Variants in CNNM2 observed in about 807,000 individuals in gnomAD.
CNNM2 encodes cyclin and CBS domain divalent metal cation transport mediator 2, also known as metal transporter CNNM2.
Under a neutral mutation model 66.9 loss-of-function variants are expected in CNNM2, and 12 were observed. That is an observed-to-expected ratio of 0.18 (90% CI 0.11 to 0.29). The LOEUF (loss-of-function observed/expected upper bound fraction) is 0.29. Ranked by LOEUF, CNNM2 falls within the 10% of genes least tolerant of loss-of-function variation. CNNM2 has a pLI of 1.00. For synonymous variants in CNNM2, 557 were observed against 501.8 expected (o/e 1.11, Z -1.47); for missense variants, 705 against 1,167.7 (o/e 0.60, Z 5.77).
At chr10:102,969,361 C>T (rs1189655728) in intron 1 of CNNM2, among the ~76,000 whole-genome samples, 2 of 151,414 alleles carry the variant, frequency 1.3e-5, no homozygotes, top group Non-Finnish European at 2.9e-5. Context: ...TTACAGGTGC[C>T]TGCCACCACG....
chr10:103,009,719 A>ATGGAGAT (rs2064303147), intron 1 of CNNM2, among the ~76,000 whole-genome samples: 1 of 151,492 alleles, frequency 6.6e-6, no homozygotes, highest in Admixed American at 6.6e-5. Context: ...AGAATGGAGA[A>ATGGAGAT]CCAGAGGGTG....
chr10:102,966,742 T>C (rs1447052865), intron 1 of CNNM2, among the ~76,000 whole-genome samples: 2 of 152,186 alleles, frequency 1.3e-5, no homozygotes, highest in Non-Finnish European at 2.9e-5. Flanking sequence ...AATAGATTAA[T>C]AACATGGTCC....
chr10:103,019,166 G>A (rs368971147), intron 1 of CNNM2, among the ~76,000 whole-genome samples: 2 of 151,848 alleles, frequency 1.3e-5, no homozygotes, highest in East Asian at 1.9e-4. Flanking sequence ...CTACTCAGGA[G>A]GCTGAGTTGG....
rs534477520 is a variant in CNNM2 at position 103,086,026 on chromosome 10, C to G, written c.*8846C>G. 2.0e-5 allele frequency: 3 copies of G among 152,470 alleles called. No homozygotes were observed. The East Asian group carries it at 5.8e-4, about 29-fold the overall frequency. The allele number at this position is 152,470 out of a possible 1,614,324, so 9.4% of individuals were successfully genotyped here. A position where few individuals can be genotyped will look rare whatever the true frequency, so the allele number is the denominator to read the frequency against. ...TGTGTGACGTGCTGCGTTCTTGTTA[C>G]GGGAGGTGCGTGACGGGGCAGCGGG... On this transcript the variant is annotated 3_prime_UTR_variant, in exon 8 of 8. Transcript: ENST00000369878.
chr10:102,931,776 T>G (rs1846073052), intron 1 of CNNM2, among the ~76,000 whole-genome samples: 1 of 151,886 alleles, frequency 6.6e-6, no homozygotes, highest in African/African-American at 2.4e-5. Flanking sequence ...GGCTGCACCA[T>G]TTGACATTCC....
chr10:102,996,561 T>C (rs1415887952), intron 1 of CNNM2, among the ~76,000 whole-genome samples: 2 of 152,158 alleles, frequency 1.3e-5, no homozygotes, highest in Non-Finnish European at 2.9e-5. Flanking sequence ...AAAAATCAGT[T>C]GGGCATGGTG....
intron 4 of CNNM2, among the ~76,000 whole-genome samples, chr10:103,067,007 GTTC>G (rs1240933531): frequency 2.0e-5 from 3 of 152,058 alleles, no homozygotes; most frequent in Non-Finnish European, 4.4e-5. Flanking sequence ...AGAGGCAGTA[GTTC>G]TTCTCCTGAA....
At chr10:103,053,152 A>G (rs2065243525) in intron 2 of CNNM2, among the ~76,000 whole-genome samples, 1 of 152,196 alleles carries the variant, frequency 6.6e-6, no homozygotes. Context: ...TGGTAAACCA[A>G]AGCCCATGGG....
intron 1 of CNNM2, among the ~76,000 whole-genome samples, chr10:102,935,903 A>G (rs1183049402): frequency 4.0e-5 from 6 of 150,754 alleles, no homozygotes; most frequent in Admixed American, 2.0e-4. Context: ...ACGATATGAA[A>G]TGCCACGCCC....
intron 1 of CNNM2, among the ~76,000 whole-genome samples, chr10:103,012,472 C>A (rs201027155): frequency 1.3e-5 from 2 of 152,022 alleles, no homozygotes; most frequent in Non-Finnish European, 2.9e-5. Flanking sequence ...ATGGTGAAAT[C>A]CTGATTCTAC....
At chr10:103,043,275 G>A (rs953479001) in intron 1 of CNNM2, among the ~76,000 whole-genome samples, 2 of 151,908 alleles carry the variant, frequency 1.3e-5, no homozygotes, top group Non-Finnish European at 2.9e-5. Flanking sequence ...TGACTACTCT[G>A]TGTCACTTTT....
In CNNM2 at chr10:103,087,296, C is replaced by T. The variant is rs1389066444; in HGVS notation, c.*10116C>T. The stretch of plus-strand genomic sequence containing the variant: ...GCCTACCCATGGACCATTGACTTCC[C>T]AGCACACTCTTAAGAATAATATACA... On this transcript the variant is annotated 3_prime_UTR_variant, in exon 8 of 8. Transcript: ENST00000369878. 1 of 151,804 alleles carries T rather than the reference C, an allele frequency of 6.6e-6. No individual in the cohort carries two copies. Among genetic ancestry groups the T allele is most frequent in the Non-Finnish European group, 1.5e-5 (1 of 67,966 alleles). The allele number at this position is 151,804 out of a possible 1,614,324, so 9.4% of individuals were successfully genotyped here. A position where few individuals can be genotyped will look rare whatever the true frequency, so the allele number is the denominator to read the frequency against.
At chr10:103,068,241 C>T (rs181974238) in intron 4 of CNNM2, among the ~76,000 whole-genome samples, 38 of 152,280 alleles carry the variant, frequency 2.5e-4, no homozygotes, top group Non-Finnish European at 4.4e-4. Flanking sequence ...CAGTGATTCA[C>T]GCCTGTAATC....
At chr10:102,930,459 A>C (rs1482716691) in intron 1 of CNNM2, among the ~76,000 whole-genome samples, 2 of 152,230 alleles carry the variant, frequency 1.3e-5, no homozygotes, top group Non-Finnish European at 2.9e-5. Flanking sequence ...TGTGAAAACT[A>C]ACCATTGCTC....
chr10:102,947,693 G>A (rs1846667887), intron 1 of CNNM2, among the ~76,000 whole-genome samples: 1 of 152,184 alleles, frequency 6.6e-6, no homozygotes, highest in Non-Finnish European at 1.5e-5. Context: ...GGAGGTTGCA[G>A]TGAGCTGAGT....
At chr10:103,040,033 G>T (rs1338826202) in intron 1 of CNNM2, among the ~76,000 whole-genome samples, 1 of 152,006 alleles carries the variant, frequency 6.6e-6, no homozygotes, top group African/African-American at 2.4e-5. Context: ...CAGGCATGGT[G>T]GTGCATGCCT....
chr10:103,062,565 A>G (rs546699216), intron 4 of CNNM2, among the ~76,000 whole-genome samples: 7 of 152,362 alleles, frequency 4.6e-5, no homozygotes, highest in Admixed American at 2.0e-4. Context: ...GAACTCTTAT[A>G]TATAACTATA....
At chr10:102,971,571 T>C (rs1564826054) in intron 1 of CNNM2, among the ~76,000 whole-genome samples, 1 of 152,224 alleles carries the variant, frequency 6.6e-6, no homozygotes, top group Non-Finnish European at 1.5e-5. Context: ...TGTGGCTGTT[T>C]TTTTCAGAAA....
rs1306949967 is a variant in CNNM2, at chr10:103,089,573, C to T, written c.*12393C>T. ...TTCAGACGTACCTTTCATGGAGCCC[C>T]CTCCCTCCCCCGAGTAGAACCCTAA... On this transcript the variant is annotated 3_prime_UTR_variant, in exon 8 of 8. Transcript: ENST00000369878. 1.4e-6 allele frequency: 2 copies of T among 1,427,054 alleles called. No homozygotes were observed. The highest frequency in any genetic ancestry group is 1.8e-6 in the Non-Finnish European group (2 of 1,088,638). 88.4% of individuals were successfully genotyped at this position (1,427,054 alleles called of 1,614,324 possible).
Sources: allele counts gnomAD v4.1 joint callset (sites outside exome capture counted in the v4.1 genomes callset), GRCh38; gene constraint gnomAD v4.1.1; transcripts MANE v1.5; gene names NCBI Gene and HGNC (gene_info 2026-07-23, HGNC 2026-07-21).